RANBP10: variants seen among roughly 807,000 people sequenced by gnomAD.
RANBP10 encodes the protein RAN binding protein 10, also known as ran-binding protein 10.
A neutral mutation model predicts 72.8 loss-of-function variants in RANBP10; 24 were observed. The observed-to-expected ratio is 0.33, with a 90% CI of 0.24 to 0.46. The LOEUF (loss-of-function observed/expected upper bound fraction) is 0.46, where lower values mean the gene tolerates loss of function less well. Ranked by LOEUF, RANBP10 falls within the 20% of genes least tolerant of loss-of-function variation. The probability of loss-of-function intolerance (pLI) is 1.00; values close to 1 mark genes in which losing one functional copy is unlikely to be tolerated. For missense variants in RANBP10, 679 were observed against 817.5 expected, an observed-to-expected ratio of 0.83 and a Z score of 2.07; for synonymous variants, 310 against 322.3, an observed-to-expected ratio of 0.96 and a Z score of 0.41.
chr16:67,748,720 CATGAGT>C (rs1486859152), intron 3 of RANBP10, among the ~76,000 whole-genome samples: 1 of 152,082 alleles, frequency 6.6e-6, no homozygotes, highest in East Asian at 1.9e-4. Flanking sequence ...CAGGCAAAGG[CATGAGT>C]ACAGGTGGGG....
At chr16:67,783,943 C>T (rs1036174947) in intron 2 of RANBP10, among the ~76,000 whole-genome samples, 1 of 149,800 alleles carries the variant, frequency 6.7e-6, no homozygotes, top group Non-Finnish European at 1.5e-5. Context: ...ACTCGGGAGA[C>T]TGAGGCAGAG....
chr16:67,790,816 C>T (rs2055010188), intron 2 of RANBP10, among the ~76,000 whole-genome samples: 1 of 151,606 alleles, frequency 6.6e-6, no homozygotes, highest in Admixed American at 6.6e-5. Context: ...TCTCCTGCCT[C>T]AGCCTCCTGA....
intron 2 of RANBP10, among the ~76,000 whole-genome samples, chr16:67,784,751 G>A (rs553245154): frequency 2.6e-5 from 4 of 152,108 alleles, no homozygotes; most frequent in East Asian, 3.9e-4. Flanking sequence ...CCCGGGAGGC[G>A]GAGGTTGCAG....
chr16:67,756,532 G>T (rs917019905), intron 3 of RANBP10, among the ~76,000 whole-genome samples: 1 of 151,950 alleles, frequency 6.6e-6, no homozygotes, highest in Non-Finnish European at 1.5e-5. Context: ...GTGAAACCTC[G>T]TCTCTACTAA....
chr16:67,795,876 C>T (rs1363011542), intron 2 of RANBP10, among the ~76,000 whole-genome samples: 2 of 150,634 alleles, frequency 1.3e-5, no homozygotes, highest in Non-Finnish European at 3.0e-5. Context: ...AACAAACAAA[C>T]AAACAAATGT....
At position 67,734,880 on chromosome 16, in the gene RANBP10, C is replaced by T. The variant is rs1369793223; in HGVS notation, c.754G>A (p.Glu252Lys). Reference sequence around the variant, plus strand: ...CACTTCTGCAGCACTGCCTGCCACTCGCCAAGCCGGGCACTGATGGGGAAG... The same window carrying T: ...CACTTCTGCAGCACTGCCTGCCACTTGCCAAGCCGGGCACTGATGGGGAAG... ...HCFPISARLG[E>K]WQAVLQNMVS... Residue 252 changes from glutamate (E) to lysine (K), a missense_variant, in exon 6 of 14, where the codon GAG (glutamate) becomes AAG (lysine). Glu to Lys is a moderately conservative substitution (Grantham distance 56). Coordinates refer to ENST00000317506, the MANE Select transcript of RANBP10 (RefSeq NM_020850.3). The T allele has an allele frequency of 8.1e-6, 13 of 1,604,812 alleles. No individual in the cohort carries two copies. In the East Asian group the frequency reaches 1.1e-4, roughly 14 times the overall value.
At position 67,795,895 on chromosome 16, in the gene RANBP10, C is replaced by T. The variant is rs974957508; in HGVS notation, c.347+9533G>A. On this transcript the variant is annotated intron_variant, in intron 2 of 13. Transcript: ENST00000317506. ...AACAAACAAACAAATGTTTTCTATACGTAAAATAAAAATATTTTGATTTTT... is the reference window on the plus strand; with the variant it reads ...AACAAACAAACAAATGTTTTCTATATGTAAAATAAAAATATTTTGATTTTT... Among the ~76,000 whole-genome samples, 18 of 150,544 alleles carry T rather than the reference C, an allele frequency of 1.2e-4. No individual in the cohort carries two copies. In the East Asian group the frequency reaches 2.1e-3, roughly 18 times the overall value.
intron 2 of RANBP10, among the ~76,000 whole-genome samples, chr16:67,784,816 T>C (rs2054880916): frequency 7.2e-6 from 1 of 138,150 alleles, no homozygotes; most frequent in Non-Finnish European, 1.5e-5. Context: ...CGAAACTCCA[T>C]CTAAAAAAAA....
intron 2 of RANBP10, among the ~76,000 whole-genome samples, chr16:67,796,741 T>C (rs1448382007): frequency 6.6e-6 from 1 of 152,070 alleles, no homozygotes; most frequent in African/African-American, 2.4e-5. Flanking sequence ...TAACAAGAAA[T>C]GGCATAAGAG....
At chr16:67,806,155 C>T in intron 1 of RANBP10, 147 bp downstream of exon 1, 1 of 775,758 alleles carries the variant, frequency 1.3e-6, no homozygotes. Flanking sequence ...GCCTGTTCAG[C>T]CTCACCACCC....
chr16:67,782,655 T>C (rs2054834086), intron 2 of RANBP10, among the ~76,000 whole-genome samples: 2 of 151,782 alleles, frequency 1.3e-5, no homozygotes, highest in Admixed American at 6.6e-5. Flanking sequence ...GGTTTCACTA[T>C]ATGTTGGCCA....
chr16:67,796,872 G>A (rs2055143743), intron 2 of RANBP10, among the ~76,000 whole-genome samples: 1 of 152,124 alleles, frequency 6.6e-6, no homozygotes, highest in Non-Finnish European at 1.5e-5. Context: ...CAACACCAAC[G>A]ATCCTAGAAT....
chr16:67,751,314 A>G (rs1230394495), intron 3 of RANBP10, among the ~76,000 whole-genome samples: 3 of 152,232 alleles, frequency 2.0e-5, no homozygotes, highest in African/African-American at 7.2e-5. Context: ...CTTTAAAAAT[A>G]AACTATATAA....
At chr16:67,798,196 C>T (rs2055168886) in intron 2 of RANBP10, among the ~76,000 whole-genome samples, 4 of 151,992 alleles carry the variant, frequency 2.6e-5, no homozygotes, top group Admixed American at 1.3e-4. Flanking sequence ...CTCCGGGGGG[C>T]AGTAAGGGAA....
intron 3 of RANBP10, among the ~76,000 whole-genome samples, chr16:67,747,676 T>C (rs947041874): frequency 1.3e-5 from 2 of 152,072 alleles, no homozygotes; most frequent in African/African-American, 4.8e-5. Flanking sequence ...GGCTAATTTT[T>C]GTATTTTTAG....
At chr16:67,749,970 C>T (rs1449318362) in intron 3 of RANBP10, among the ~76,000 whole-genome samples, 1 of 152,244 alleles carries the variant, frequency 6.6e-6, no homozygotes, top group Non-Finnish European at 1.5e-5. Flanking sequence ...CCTCCTCCTA[C>T]CCCTGCCCCT....
In RANBP10 at chr16:67,748,396, G is replaced by A. The variant is rs968485299; in HGVS notation, c.401-3941C>T. ...AAATTAGCCGGGCGTGGTGGCGGGCGCCTGTAATCCCAACCACTCAGGAGG... is the reference window on the plus strand; with the variant it reads ...AAATTAGCCGGGCGTGGTGGCGGGCACCTGTAATCCCAACCACTCAGGAGG... On this transcript the variant is annotated intron_variant, in intron 3 of 13. Transcript: ENST00000317506. Among the ~76,000 whole-genome samples, 5 of 151,608 alleles carry A rather than the reference G, an allele frequency of 3.3e-5. No individual in the cohort carries two copies. The East Asian group carries it at 5.9e-4, about 18-fold the overall frequency.
In RANBP10 at chr16:67,729,974, A is replaced by G; in HGVS notation, c.962T>C (p.Leu321Pro). ...IETTQRFYPG[L>P]LEHNPNLLFM... ...GAGGAGGTTGGGGTTGTGCTCCAGC[A>G]GCCCTGGGTAGAAGCGCTGGGTGGT... is the stretch of plus-strand genomic sequence containing the variant. The change falls in exon 8 of 14, where the codon CTG becomes CCG. Residue 321 changes from leucine to proline, a missense_variant. Leu to Pro is a moderately conservative substitution (Grantham distance 98, BLOSUM62 -3). Coordinates refer to ENST00000317506, the MANE Select transcript of RANBP10 (RefSeq NM_020850.3). The surrounding 1 kb of genome is among the most constrained non-coding windows in gnomAD (Gnocchi z 7.1). The G allele has an allele frequency of 6.2e-7, 1 of 1,613,690 alleles. No homozygotes were observed. The highest frequency in any genetic ancestry group is 8.5e-7 in the Non-Finnish European group (1 of 1,180,000).
At chr16:67,773,054 T>C (rs1200691445) in intron 2 of RANBP10, among the ~76,000 whole-genome samples, 5 of 152,210 alleles carry the variant, frequency 3.3e-5, no homozygotes, top group Non-Finnish European at 7.3e-5. Context: ...GGTAGAATGA[T>C]ATGGTTTCGA....
Sources: gnomAD v4.1 joint callset for allele counts (sites outside exome capture counted in the v4.1 genomes callset) on GRCh38, gnomAD v4.1.1 for gene constraint, Gnocchi (gnomAD v3.1) non-coding constraint, MANE v1.5 for transcripts, NCBI Gene and HGNC (gene_info 2026-07-23, HGNC 2026-07-21) for gene names.